PARD3B: variants seen among roughly 807,000 people sequenced by gnomAD.
The protein encoded by PARD3B is partitioning defective 3 homolog B.
PARD3B carries 103 observed loss-of-function variants against 130.2 expected under a neutral mutation model. That is an observed-to-expected ratio of 0.79 (90% CI 0.67 to 0.93). The LOEUF is 0.93. Among genes scored for constraint, PARD3B ranks in the 40% least tolerant of loss-of-function variants. The pLI, the probability that PARD3B is intolerant of heterozygous loss-of-function variation, is 0.00. For synonymous variants in PARD3B, 583 were observed against 553.2 expected, an observed-to-expected ratio of 1.05 and a Z score of -0.76; for missense variants, 1,609 against 1,499.2, an observed-to-expected ratio of 1.07 and a Z score of -1.21.
intron 1 of PARD3B, among the ~76,000 whole-genome samples, chr2:204,561,325 C>T (rs2031294412): frequency 1.3e-5 from 2 of 152,196 alleles, no homozygotes; most frequent in African/African-American, 4.8e-5. Flanking sequence ...ATATGGGTGG[C>T]TTTTAGACTT....
intron 18 of PARD3B, among the ~76,000 whole-genome samples, chr2:205,344,766 C>G (rs2043687327): frequency 6.6e-6 from 1 of 152,150 alleles, no homozygotes. Context: ...GCATTTTGCC[C>G]TCACTTAAGC....
intron 2 of PARD3B, among the ~76,000 whole-genome samples, chr2:204,730,177 C>A (rs1449665395): frequency 1.3e-5 from 2 of 152,054 alleles, no homozygotes; most frequent in Non-Finnish European, 2.9e-5. Context: ...CAGGTTCAAG[C>A]GATTTTCCTG....
At chr2:205,267,705 G>A (rs887917743) in intron 16 of PARD3B, among the ~76,000 whole-genome samples, 5 of 152,142 alleles carry the variant, frequency 3.3e-5, no homozygotes, top group African/African-American at 1.2e-4. Flanking sequence ...CAAAGGATTT[G>A]AGTTTACAAG....
At chr2:204,575,451 T>G (rs961454827) in intron 1 of PARD3B, among the ~76,000 whole-genome samples, 1 of 152,250 alleles carries the variant, frequency 6.6e-6, no homozygotes, top group Non-Finnish European at 1.5e-5. Context: ...CATAGCAATA[T>G]GTAAATTATT....
chr2:205,553,609 A>G (rs751251918), intron 22 of PARD3B, among the ~76,000 whole-genome samples: 1 of 152,208 alleles, frequency 6.6e-6, no homozygotes, highest in East Asian at 1.9e-4. Context: ...AGAAAATAGT[A>G]TATCATTGCA....
intron 18 of PARD3B, among the ~76,000 whole-genome samples, chr2:205,346,129 G>A (rs542397706): frequency 2.5e-4 from 37 of 147,710 alleles, no homozygotes; most frequent in South Asian, 1.6e-3. Context: ...CCGAGATCCC[G>A]CCACTGCACT....
rs112150320 is a variant in PARD3B, at chr2:205,570,742, C to T, written c.3260+17339C>T. Among the ~76,000 whole-genome samples, 438 of 152,286 alleles carry T rather than the reference C, an allele frequency of 2.9e-3. 7 individuals are homozygous for T. The highest frequency in any genetic ancestry group is 9.6e-3 in the African/African-American group (399 of 41,572). ...GCTTTAGAGACCAGACGTATGTGTT[C>T]ACCCGTGCTACCTAAAGAAGGATTT... On this transcript the variant is annotated intron_variant, in intron 22 of 22. Coordinates refer to ENST00000406610, the MANE Select transcript of PARD3B (RefSeq NM_001302769.2).
chr2:204,870,365 T>G (rs1390502799), intron 2 of PARD3B, among the ~76,000 whole-genome samples: 1 of 152,188 alleles, frequency 6.6e-6, no homozygotes, highest in African/African-American at 2.4e-5. Flanking sequence ...TGAAAGTTGC[T>G]AAGAGTCCCT....
At position 204,650,887 on chromosome 2, in the gene PARD3B, T is replaced by TGA. The variant is rs36111258; in HGVS notation, c.121-35275_121-35274dup. Among the ~76,000 whole-genome samples, 1,083 of 148,086 alleles carry TGA rather than the reference T, an allele frequency of 7.3e-3. 14 individuals carry two copies. The highest frequency in any genetic ancestry group is 0.059 in the East Asian group (297 of 4,996). On this transcript the variant is annotated intron_variant, in intron 1 of 22. Transcript: ENST00000406610. ...GCAAGCATATCTTACCATGGGGGAG[T>TGA]GAGAGAGAGAGAGAGAGAGAAGGAG...
Position 205,380,862 on chromosome 2 carries a change from TATA to T in PARD3B, c.2631-20147_2631-20145del, listed in dbSNP as rs1216319449. On this transcript the variant is annotated intron_variant, in intron 18 of 22. Transcript: ENST00000406610. The stretch of plus-strand genomic sequence containing the variant: ...ATTATAATATAAAGAATACATTATA[TATA>T]ATATAAAGAATACATTATAATATAT... Among the ~76,000 whole-genome samples, 3 of 53,344 alleles carry T rather than the reference TATA, an allele frequency of 5.6e-5. No homozygotes were observed. In the East Asian group the frequency reaches 1.8e-3, roughly 31 times the overall value. 35.0% of individuals were successfully genotyped at this position (53,344 alleles called of 152,430 possible). A position where few individuals can be genotyped will look rare whatever the true frequency, so the allele number is the denominator to read the frequency against.
chr2:205,342,561 C>G lies in PARD3B; in HGVS notation c.2630+40860C>G, dbSNP rs577175199. On this transcript the variant is annotated intron_variant, in intron 18 of 22. Coordinates refer to ENST00000406610, the MANE Select transcript of PARD3B (RefSeq NM_001302769.2). ...TACTAAAACTTTGGAGACTGCAAGA[C>G]TCCAAATAGGAGCAACATGAGGTAG... 2.0e-5 allele frequency among the ~76,000 whole-genome samples: 3 copies of G among 152,298 alleles called. 1 individual carries two copies. In the South Asian group the frequency reaches 6.2e-4, roughly 32 times the overall value.
At chr2:204,662,812 C>T (rs1399938395) in intron 1 of PARD3B, among the ~76,000 whole-genome samples, 1 of 152,136 alleles carries the variant, frequency 6.6e-6, no homozygotes, top group Non-Finnish European at 1.5e-5. Context: ...CGCCATCAGT[C>T]CAAATGGCAA....
At chr2:204,803,905 C>G (rs1559157945) in intron 2 of PARD3B, among the ~76,000 whole-genome samples, 1 of 152,058 alleles carries the variant, frequency 6.6e-6, no homozygotes, top group Non-Finnish European at 1.5e-5. Context: ...AATCAAAAGA[C>G]AGATTTGCTA....
intron 2 of PARD3B, among the ~76,000 whole-genome samples, chr2:204,719,046 A>G (rs910228387): frequency 1.3e-5 from 2 of 152,256 alleles, no homozygotes; most frequent in African/African-American, 4.8e-5. Flanking sequence ...CAGTGGAGAG[A>G]TAACAGTTAA....
At chr2:204,609,758 T>G (rs112711983) in intron 1 of PARD3B, among the ~76,000 whole-genome samples, 2,231 of 152,110 alleles carry the variant, frequency 0.015, 51 homozygotes, top group African/African-American at 0.051. Context: ...TTTTTGAACC[T>G]TAAAGGTGTC....
At chr2:204,891,114 C>T (rs1308796091) in intron 2 of PARD3B, among the ~76,000 whole-genome samples, 2 of 152,042 alleles carry the variant, frequency 1.3e-5, no homozygotes, top group Admixed American at 6.5e-5. Flanking sequence ...AACAGCACCA[C>T]CCAGGACCCG....
At chr2:205,349,098 G>A (rs115924837) in intron 18 of PARD3B, among the ~76,000 whole-genome samples, 5 of 152,098 alleles carry the variant, frequency 3.3e-5, no homozygotes, top group African/African-American at 7.2e-5. Flanking sequence ...TGAACAACTG[G>A]CCTCTCCTGC....
chr2:204,883,451 A>ATT (rs1449201858), intron 2 of PARD3B, among the ~76,000 whole-genome samples: 41 of 106,426 alleles, frequency 3.9e-4, no homozygotes, highest in African/African-American at 1.4e-3. Context: ...ATATATATAT[A>ATT]TATATTTTTT....
At chr2:204,561,058 T>C (rs139584236) in intron 1 of PARD3B, among the ~76,000 whole-genome samples, 30 of 152,116 alleles carry the variant, frequency 2.0e-4, no homozygotes, top group African/African-American at 6.7e-4. Flanking sequence ...AACTAAGACA[T>C]GGCCTTTGCT....
Sources: allele counts gnomAD v4.1 joint callset (sites outside exome capture counted in the v4.1 genomes callset), GRCh38; gene constraint gnomAD v4.1.1; transcripts MANE v1.5; gene names NCBI Gene and HGNC (gene_info 2026-07-23, HGNC 2026-07-21).